Variants in ATAD2 observed in about 807,000 individuals in gnomAD.
The protein encoded by ATAD2 is ATPase family AAA domain containing 2.
ATAD2 carries 62 observed loss-of-function variants against 168.9 expected under a neutral mutation model. The ratio of observed to expected loss-of-function variants is 0.37; its 90% confidence interval spans 0.30 to 0.45. The LOEUF (loss-of-function observed/expected upper bound fraction) is 0.45, where lower values mean the gene tolerates loss of function less well. Ranked by LOEUF, ATAD2 falls within the 20% of genes least tolerant of loss-of-function variation. The pLI, the probability that ATAD2 is intolerant of heterozygous loss-of-function variation, is 1.00. For missense variants in ATAD2, 1,419 were observed against 1,667.8 expected, an observed-to-expected ratio of 0.85 and a Z score of 2.60; for synonymous variants, 613 against 571.6, an observed-to-expected ratio of 1.07 and a Z score of -1.03.
chr8:123,381,438 T>C (rs1421778794), intron 1 of ATAD2, among the ~76,000 whole-genome samples: 9 of 151,930 alleles, frequency 5.9e-5, no homozygotes, highest in Non-Finnish European at 1.2e-4. Context: ...GAGGTGGAGG[T>C]TGCAGTGACC....
At chr8:123,328,122 AT>A in intron 25 of ATAD2, 67 bp downstream of exon 25, 1 of 1,232,448 alleles carries the variant, frequency 8.1e-7, no homozygotes, top group East Asian at 3.0e-5. Context: ...CTAAGATGCA[AT>A]TAGGTGTTTA....
rs775056316 is a variant in ATAD2, at chr8:123,402,687, C to G, written c.-2281-1512G>C. Among the ~76,000 whole-genome samples, 1 of 152,248 alleles carries G rather than the reference C, an allele frequency of 6.6e-6. No individual in the cohort carries two copies. The highest frequency in any genetic ancestry group is 1.9e-4 in the East Asian group (1 of 5,188). ...CTGCCCCTCATTCCTGACTCACCAC[C>G]GTCCCCAGGTGTACCATTCCTGCCC... is the stretch of plus-strand genomic sequence containing the variant. On this transcript the variant is annotated intron_variant, in intron 1 of 28. Transcript: ENST00000521903. The surrounding 1 kb of genome is among the most constrained non-coding windows in gnomAD (Gnocchi z 4.8).
At position 123,402,889 on chromosome 8, in the gene ATAD2, C is replaced by G. The variant is rs1813025054; in HGVS notation, c.-2281-1714G>C. Among the ~76,000 whole-genome samples, 1 of 152,054 alleles carries G rather than the reference C, an allele frequency of 6.6e-6. No individual in the cohort carries two copies. Among genetic ancestry groups the G allele is most frequent in the Non-Finnish European group, 1.5e-5 (1 of 68,016 alleles). ...AGCTTCAGGTGCCTCCTCTAAAGAT[C>G]CTGATTTCATGCGTCTGAGATAAGG... On this transcript the variant is annotated intron_variant, in intron 1 of 28. Coordinates refer to the ATAD2 transcript ENST00000521903. This position sits in a 1 kb window ranked among gnomAD's most constrained non-coding sequence, Gnocchi z 4.8.
At position 123,359,565 on chromosome 8, in the gene ATAD2, CAG is replaced by C. The variant is rs777208454; in HGVS notation, c.1266+10_1266+11del. 4 of 1,586,874 alleles carry C rather than the reference CAG, an allele frequency of 2.5e-6. No homozygotes were observed. Among genetic ancestry groups the C allele is most frequent in the African/African-American group, 2.7e-5 (2 of 74,072 alleles). On this transcript the variant is annotated intron_variant, in intron 10 of 27. Coordinates refer to ENST00000287394, the MANE Select transcript of ATAD2 (RefSeq NM_014109.4). Reference sequence around the variant, plus strand: ...TATAGTTCAAGCATATGTTTCAAAACAGAGTACTCACTGAAGAATCTAGTTGC... The same window carrying C: ...TATAGTTCAAGCATATGTTTCAAAACAGTACTCACTGAAGAATCTAGTTGC...
At chr8:123,350,220 C>T (rs1204470881) in intron 13 of ATAD2, among the ~76,000 whole-genome samples, 2 of 152,146 alleles carry the variant, frequency 1.3e-5, no homozygotes, top group Admixed American at 6.5e-5. Context: ...TCCAAATTTC[C>T]ATCACTCAGC....
At chr8:123,348,113 A>C in intron 15 of ATAD2, 70 bp downstream of exon 15, 1 of 1,277,228 alleles carries the variant, frequency 7.8e-7, no homozygotes, top group South Asian at 1.4e-5. Context: ...TTTTGCACCA[A>C]CCTAATATAA....
intron 15 of ATAD2, 86 bp downstream of exon 15, chr8:123,348,097 A>G: frequency 1.8e-6 from 2 of 1,133,966 alleles, no homozygotes; most frequent in Non-Finnish European, 2.5e-6. Context: ...CAAAAACCAC[A>G]ATTACTTTTG....
intron 1 of ATAD2, among the ~76,000 whole-genome samples, chr8:123,387,986 C>A (rs1453179831): frequency 6.6e-6 from 1 of 152,144 alleles, no homozygotes; most frequent in East Asian, 1.9e-4. Context: ...TATTCTAATA[C>A]ATGATATACA....
intron 1 of ATAD2, among the ~76,000 whole-genome samples, chr8:123,389,083 C>T (rs1172511111): frequency 1.3e-5 from 2 of 150,926 alleles, no homozygotes; most frequent in Non-Finnish European, 2.9e-5. Flanking sequence ...TCTCCTGCCA[C>T]GGCCTCTAAA....
chr8:123,335,044 C>A (rs1327354705), intron 22 of ATAD2, among the ~76,000 whole-genome samples: 1 of 152,112 alleles, frequency 6.6e-6, no homozygotes, highest in African/African-American at 2.4e-5. Flanking sequence ...ATTAGAAATG[C>A]AAATTCTCAG....
chr8:123,413,959 C>G (rs1813201318), intron 1 of ATAD2, among the ~76,000 whole-genome samples: 1 of 151,632 alleles, frequency 6.6e-6, no homozygotes, highest in South Asian at 2.1e-4. Flanking sequence ...TGAGACCAGC[C>G]TGGCCAACAT....
chr8:123,355,957 A>T (rs1482881474), intron 13 of ATAD2: 2 of 152,152 alleles, frequency 1.3e-5, no homozygotes, highest in African/African-American at 4.8e-5. Context: ...TCGCTCTGTC[A>T]CCCAGGCTGG....
intron 1 of ATAD2, among the ~76,000 whole-genome samples, chr8:123,409,073 G>A (rs1339680537): frequency 6.6e-6 from 1 of 152,144 alleles, no homozygotes; most frequent in East Asian, 1.9e-4. Context: ...TGATCCACTC[G>A]CCTCTGCCCC....
intron 27 of ATAD2, among the ~76,000 whole-genome samples, chr8:123,321,855 T>G (rs1291073360): frequency 6.6e-6 from 1 of 152,106 alleles, no homozygotes; most frequent in Non-Finnish European, 1.5e-5. Flanking sequence ...TTGCCTGAGC[T>G]CAGGAGTTCC....
Position 123,356,702 on chromosome 8 carries a change from C to CA in ATAD2, c.1558-226dup, listed in dbSNP as rs965698092. 2.5e-4 allele frequency among the ~76,000 whole-genome samples: 37 copies of CA among 150,120 alleles called. 1 individual carries two copies. The highest frequency in any genetic ancestry group is 2.4e-3 in the Admixed American group (36 of 15,038). ...TCTCACTGTCACCCAGGCTGGAGTGCAGTGGCGTGATCTTGGCTCAGTGCA... is the reference window on the plus strand; with the variant it reads ...TCTCACTGTCACCCAGGCTGGAGTGCAAGTGGCGTGATCTTGGCTCAGTGCA... On this transcript the variant is annotated intron_variant, in intron 12 of 27. Transcript: ENST00000287394.
At chr8:123,341,827 A>G (rs1050929027) in intron 19 of ATAD2, among the ~76,000 whole-genome samples, 1 of 152,198 alleles carries the variant, frequency 6.6e-6, no homozygotes, top group Non-Finnish European at 1.5e-5. Context: ...CTGGAAGGCT[A>G]CATGATGAAA....
chr8:123,396,458 G>A (rs1264140650), upstream of ATAD2: 25 of 1,289,678 alleles, frequency 1.9e-5, no homozygotes, highest in Non-Finnish European at 2.5e-5. Flanking sequence ...GGCGCCACAA[G>A]CTCCGCGCCA....
At chr8:123,321,261 C>A in intron 27 of ATAD2, 86 bp from the exon 28 acceptor site, 1 of 1,151,924 alleles carries the variant, frequency 8.7e-7, no homozygotes, top group Non-Finnish European at 1.3e-6. Flanking sequence ...AGTAAACAAC[C>A]TTAAGAATAT....
At chr8:123,353,346 AGAGT>A (rs1206926600) in intron 13 of ATAD2, among the ~76,000 whole-genome samples, 16 of 152,160 alleles carry the variant, frequency 1.1e-4, no homozygotes, top group Non-Finnish European at 2.4e-4. Context: ...CCTGGGTGAC[AGAGT>A]GAGACTCTGT....
Sources: allele counts gnomAD v4.1 joint callset (sites outside exome capture counted in the v4.1 genomes callset), GRCh38; gene constraint gnomAD v4.1.1; non-coding constraint Gnocchi (gnomAD v3.1); transcripts MANE v1.5; gene names NCBI Gene and HGNC (gene_info 2026-07-23, HGNC 2026-07-21).